ACSBG1: variants seen among roughly 807,000 people sequenced by gnomAD.
The protein encoded by ACSBG1 is acyl-CoA synthetase bubblegum family member 1.
A neutral mutation model predicts 80.2 loss-of-function variants in ACSBG1; 39 were observed. The ratio of observed to expected loss-of-function variants is 0.49; its 90% CI spans 0.38 to 0.64. The LOEUF is 0.64. ACSBG1 is among the 30% of genes least tolerant of loss of function. The pLI, the probability that ACSBG1 is intolerant of heterozygous loss-of-function variation, is 0.00. For missense variants in ACSBG1, 828 were observed against 966.4 expected (o/e 0.86, Z 1.90); for synonymous variants, 392 against 379.5 (o/e 1.03, Z -0.38).
chr15:78,198,642 C>T (rs762161282), intron 2 of ACSBG1, among the ~76,000 whole-genome samples: 2 of 152,250 alleles, frequency 1.3e-5, no homozygotes, highest in Non-Finnish European at 2.9e-5. Context: ...GCCACCGTGC[C>T]TGGCCTATAA....
At chr15:78,183,887 C>T (rs1026372541) in intron 5 of ACSBG1, among the ~76,000 whole-genome samples, 29 of 914 alleles carry the variant, frequency 0.032, no homozygotes, top group African/African-American at 0.3. Flanking sequence ...TGGGGCGGGG[C>T]GGGTGGGGCG....
intron 1 of ACSBG1, among the ~76,000 whole-genome samples, chr15:78,213,264 G>A (rs532429091): frequency 1.2e-4 from 19 of 152,172 alleles, no homozygotes; most frequent in East Asian, 3.9e-4. Context: ...ATCACCCTGC[G>A]TGGCGGACCC....
At chr15:78,184,928 A>C (rs2074983500) in intron 5 of ACSBG1, among the ~76,000 whole-genome samples, 1 of 152,126 alleles carries the variant, frequency 6.6e-6, no homozygotes, top group Admixed American at 6.5e-5. Context: ...TGAGAGAGGG[A>C]AACAGATGGG....
At chr15:78,213,626 C>T (rs1056176462) in intron 1 of ACSBG1, 1 of 152,284 alleles carries the variant, frequency 6.6e-6, no homozygotes, top group African/African-American at 2.4e-5. Flanking sequence ...CCCCAGATAC[C>T]TCTGACCTAT....
chr15:78,182,846 AC>A, intron 5 of ACSBG1, 61 bp from the exon 6 acceptor site: 1 of 1,578,662 alleles, frequency 6.3e-7, no homozygotes, highest in Non-Finnish European at 8.7e-7. Context: ...TCTAAAAAGT[AC>A]CCCATCTCCC....
At chr15:78,216,932 CTG>C (rs1314629782) in intron 1 of ACSBG1, among the ~76,000 whole-genome samples, 2 of 152,272 alleles carry the variant, frequency 1.3e-5, no homozygotes, top group African/African-American at 2.4e-5. Context: ...ACAAAGTTCT[CTG>C]GGCACCAGAA....
intron 1 of ACSBG1, among the ~76,000 whole-genome samples, chr15:78,228,417 G>A (rs1160591159): frequency 6.6e-6 from 1 of 152,152 alleles, no homozygotes; most frequent in Non-Finnish European, 1.5e-5. Context: ...CAGTGGGTTG[G>A]ACTTAGTGAC....
At position 78,212,500 on chromosome 15, in the gene ACSBG1, ACTGG is replaced by A. The variant is rs1373814181; in HGVS notation, c.132-4402_132-4399del. 6.6e-6 allele frequency: 3 copies of A among 453,522 alleles called. No individual in the cohort carries two copies. The East Asian group carries it at 2.1e-4, about 32-fold the overall frequency. 28.1% of individuals were successfully genotyped at this position (453,522 alleles called of 1,614,324 possible). On this transcript the variant is annotated intron_variant, in intron 1 of 13. Transcript: ENST00000258873. ...GCGTGCCAACTACTTTCCCTGGGAG[ACTGG>A]CTGCGGGGCAGGAGGCGGGGGAAGG...
Position 78,177,399 on chromosome 15 carries a change from G to C in ACSBG1, c.1702+1215C>G, listed in dbSNP as rs778422790. 4.6e-5 allele frequency among the ~76,000 whole-genome samples: 7 copies of C among 152,202 alleles called. No individual in the cohort carries two copies. The highest frequency in any genetic ancestry group is 8.8e-5 in the Non-Finnish European group (6 of 68,040). On this transcript the variant is annotated intron_variant, in intron 11 of 13. Transcript: ENST00000258873. This position sits in a 1 kb window ranked among gnomAD's most constrained non-coding sequence, Gnocchi z 4.1. The stretch of plus-strand genomic sequence containing the variant: ...GCCATGGGGAAAGGATGCTGTGTCC[G>C]TTGGATATGTATTTGGAGAAAAGCT...
Position 78,173,759 on chromosome 15 carries a change from G to T in ACSBG1, c.1923C>A (p.Ser641Arg), listed in dbSNP as rs1348590911. ...QAMEFCQRVG[S>R]RATTVSEIIE... ...TGATCTCGGACACTGTGGTGGCTCT[G>T]CTGCCCACCCTCTGGCAGAACTCCA... Residue 641 changes from serine to arginine, a missense_variant, in exon 13 of 14, where the codon AGC becomes AGA. Transcript: ENST00000258873. The T allele has an allele frequency of 6.2e-7, 1 of 1,614,184 alleles. No homozygotes were observed. Among genetic ancestry groups the T allele is most frequent in the Non-Finnish European group, 8.5e-7 (1 of 1,180,032 alleles).
intron 5 of ACSBG1, among the ~76,000 whole-genome samples, chr15:78,190,975 T>C (rs1335837408): frequency 1.3e-5 from 2 of 152,140 alleles, no homozygotes; most frequent in South Asian, 2.1e-4. Context: ...TTTCATCAGA[T>C]TGGATAAAAG....
chr15:78,215,734 G>GAAAGAAAGGAAGAAAGAAAGAA (rs1555434015), intron 1 of ACSBG1, among the ~76,000 whole-genome samples: 3 of 117,792 alleles, frequency 2.5e-5, no homozygotes, highest in African/African-American at 1.0e-4. Flanking sequence ...GAGAAAGAAA[G>GAAAGAAAGGAAGAAAGAAAGAA]AAAGAAAGAA....
chr15:78,212,548 C>T (rs775737001), intron 1 of ACSBG1: 10 of 455,784 alleles, frequency 2.2e-5, no homozygotes, highest in South Asian at 3.1e-5. Flanking sequence ...TTGTTCCTTA[C>T]GCAGTCCTCA....
chr15:78,188,276 A>C (rs2075024121), intron 5 of ACSBG1, among the ~76,000 whole-genome samples: 1 of 152,134 alleles, frequency 6.6e-6, no homozygotes, highest in South Asian at 2.1e-4. Context: ...ATTCAATGCC[A>C]TCCCATCAAG....
At chr15:78,173,136 G>A (rs1413867037) in intron 13 of ACSBG1, among the ~76,000 whole-genome samples, 11 of 151,952 alleles carry the variant, frequency 7.2e-5, no homozygotes, top group Non-Finnish European at 1.2e-4. Context: ...ACCTGAGGTC[G>A]GGAGTTCGAG....
chr15:78,233,252 T>C (rs1227997442), intron 1 of ACSBG1, among the ~76,000 whole-genome samples: 1 of 152,180 alleles, frequency 6.6e-6, no homozygotes, highest in Non-Finnish European at 1.5e-5. Context: ...GGAGTCCACT[T>C]TGGATTAGCA....
chr15:78,227,997 A>C (rs1035888119), intron 1 of ACSBG1, among the ~76,000 whole-genome samples: 5 of 152,216 alleles, frequency 3.3e-5, no homozygotes, highest in South Asian at 2.1e-4. Context: ...TTAATTGACT[A>C]ATCTCTTGCC....
intron 1 of ACSBG1, among the ~76,000 whole-genome samples, chr15:78,232,960 C>T (rs1175753484): frequency 6.6e-6 from 1 of 152,220 alleles, no homozygotes; most frequent in Non-Finnish European, 1.5e-5. Flanking sequence ...GGATTACAGG[C>T]ATGAGCCATC....
chr15:78,191,278 C>T (rs1016837903), intron 5 of ACSBG1, among the ~76,000 whole-genome samples: 12 of 152,202 alleles, frequency 7.9e-5, no homozygotes, highest in South Asian at 2.1e-4. Context: ...CTAATAGAAC[C>T]GGAAGGAAAA....
Sources: gnomAD v4.1 joint callset for allele counts (sites outside exome capture counted in the v4.1 genomes callset) on GRCh38, gnomAD v4.1.1 for gene constraint, Gnocchi (gnomAD v3.1) non-coding constraint, MANE v1.5 for transcripts, NCBI Gene and HGNC (gene_info 2026-07-23, HGNC 2026-07-21) for gene names.